The following ZNF407 variants were observed in gnomAD, a reference collection of about 807,000 sequenced individuals.
ZNF407 encodes the protein zinc finger protein 407.
Under a neutral mutation model 131.2 loss-of-function variants are expected in ZNF407, and 17 were observed. That is an observed-to-expected ratio of 0.13 (90% CI 0.09 to 0.19). The LOEUF (loss-of-function observed/expected upper bound fraction) is 0.19, where lower values mean the gene tolerates loss of function less well. Among genes scored for constraint, ZNF407 ranks in the 10% least tolerant of loss-of-function variants. The pLI is 1.00. For synonymous variants in ZNF407, 1,156 were observed against 1,062.0 expected (o/e 1.09, Z -1.72); for missense variants, 2,681 against 2,830.6 (o/e 0.95, Z 1.20).
At chr18:74,763,988 C>T (rs1441908543) in intron 3 of ZNF407, among the ~76,000 whole-genome samples, 2 of 151,974 alleles carry the variant, frequency 1.3e-5, no homozygotes, top group Non-Finnish European at 2.9e-5. Flanking sequence ...GCTGGGATTA[C>T]AGGCGTGAGC....
intron 8 of ZNF407, among the ~76,000 whole-genome samples, chr18:74,977,716 T>A (rs1019911799): frequency 2.0e-5 from 3 of 151,210 alleles, no homozygotes; most frequent in African/African-American, 7.3e-5. Flanking sequence ...GAGTCCCCTC[T>A]CTGCGAGATC....
chr18:74,618,849 A>T (rs1454031137), intron 1 of ZNF407, among the ~76,000 whole-genome samples: 3 of 152,210 alleles, frequency 2.0e-5, no homozygotes, highest in Non-Finnish European at 4.4e-5. Flanking sequence ...CTCTTTTCTA[A>T]ATATACTTAA....
chr18:75,031,046 C>CACACATAGCAGCAGGTGTCATTCCCCCAT, intron 8 of ZNF407, among the ~76,000 whole-genome samples: 1 of 152,336 alleles, frequency 6.6e-6, no homozygotes, highest in East Asian at 1.9e-4. Context: ...CATGCCCCCA[C>CACACATAGCAGCAGGTGTCATTCCCCCAT]ACACATAGCA....
At chr18:75,013,441 CCTTT>C (rs1345830821) in intron 8 of ZNF407, among the ~76,000 whole-genome samples, 9 of 152,156 alleles carry the variant, frequency 5.9e-5, no homozygotes, top group Admixed American at 2.0e-4. Context: ...TTTCTTTCTT[CCTTT>C]ATCTTCCTCT....
chr18:74,796,359 A>G (rs1012819036), intron 4 of ZNF407, among the ~76,000 whole-genome samples: 2 of 152,210 alleles, frequency 1.3e-5, no homozygotes, highest in Admixed American at 6.5e-5. Context: ...TTGTTACTCA[A>G]TGAAATAGGC....
intron 3 of ZNF407, among the ~76,000 whole-genome samples, chr18:74,707,612 G>C (rs1270746044): frequency 1.3e-5 from 2 of 152,140 alleles, no homozygotes; most frequent in Admixed American, 1.3e-4. Flanking sequence ...TGCTCAGCTT[G>C]TATTTCAAGG....
intron 1 of ZNF407, among the ~76,000 whole-genome samples, chr18:74,601,732 C>A (rs1188565858): frequency 6.6e-6 from 1 of 152,088 alleles, no homozygotes; most frequent in Non-Finnish European, 1.5e-5. Context: ...CTCAGGACAG[C>A]ACCAAGCCAT....
In ZNF407 at chr18:75,050,259, T is replaced by A. The variant is rs527605935; in HGVS notation, c.5429-12891T>A. Among the ~76,000 whole-genome samples the A allele has an allele frequency of 7.2e-5, 11 of 152,316 alleles. No individual in the cohort carries two copies. In the East Asian group the frequency reaches 2.1e-3, roughly 29 times the overall value. On this transcript the variant is annotated intron_variant, in intron 8 of 8. Coordinates refer to ENST00000299687, the MANE Select transcript of ZNF407 (RefSeq NM_017757.3). ...CCTGTGTGTCAAGCACAATGCTAAG[T>A]ATTGTACATAGGCTGTCTCATTTAC... is the stretch of plus-strand genomic sequence containing the variant.
At chr18:75,014,532 A>C (rs1973020383) in intron 8 of ZNF407, among the ~76,000 whole-genome samples, 2 of 152,094 alleles carry the variant, frequency 1.3e-5, no homozygotes, top group South Asian at 4.2e-4. Flanking sequence ...TTCTTAACCA[A>C]ATCAGGGCTT....
chr18:74,802,213 A>G (rs887186171), intron 4 of ZNF407, among the ~76,000 whole-genome samples: 2 of 152,256 alleles, frequency 1.3e-5, no homozygotes, highest in African/African-American at 4.8e-5. Flanking sequence ...CATTTAGTCT[A>G]TATGTTATGG....
At chr18:74,672,534 C>T (rs567947397) in intron 3 of ZNF407, among the ~76,000 whole-genome samples, 134 of 150,230 alleles carry the variant, frequency 8.9e-4, no homozygotes, top group Non-Finnish European at 1.2e-3. Flanking sequence ...ACCGTTTGTT[C>T]ATTGGAGCAC....
intron 3 of ZNF407, among the ~76,000 whole-genome samples, chr18:74,745,517 G>A (rs1339302999): frequency 2.6e-5 from 4 of 152,148 alleles, no homozygotes; most frequent in Non-Finnish European, 5.9e-5. Flanking sequence ...TTTATAAAAT[G>A]TAATCATTTG....
intron 3 of ZNF407, among the ~76,000 whole-genome samples, chr18:74,673,823 A>G (rs1440291539): frequency 1.3e-5 from 2 of 152,210 alleles, no homozygotes; most frequent in East Asian, 3.9e-4. Context: ...TCTATGATTC[A>G]TTGTTATTTA....
intron 4 of ZNF407, among the ~76,000 whole-genome samples, chr18:74,834,938 T>G (rs1481223138): frequency 6.6e-6 from 1 of 152,222 alleles, no homozygotes; most frequent in Non-Finnish European, 1.5e-5. Context: ...GTGATTTTTG[T>G]TTTCCTTTTT....
chr18:74,763,695 C>G (rs1390260841), intron 3 of ZNF407, among the ~76,000 whole-genome samples: 1 of 141,230 alleles, frequency 7.1e-6, no homozygotes, highest in East Asian at 2.1e-4. Flanking sequence ...TGTTGTCATT[C>G]TTATCTTTGA....
intron 3 of ZNF407, among the ~76,000 whole-genome samples, chr18:74,656,840 A>C (rs1985480316): frequency 1.3e-5 from 2 of 152,220 alleles, no homozygotes; most frequent in Admixed American, 1.3e-4. Context: ...AGGCAGATTA[A>C]AAAATCCCAT....
At chr18:74,959,493 G>A (rs1422787223) in intron 8 of ZNF407, among the ~76,000 whole-genome samples, 1 of 152,144 alleles carries the variant, frequency 6.6e-6, no homozygotes, top group Non-Finnish European at 1.5e-5. Context: ...GTATGTGTCT[G>A]TCTTTCTGAG....
intron 3 of ZNF407, among the ~76,000 whole-genome samples, chr18:74,755,885 C>CTT (rs34750560): frequency 0.67 from 17,266 of 25,796 alleles, 8,170 homozygotes; most frequent in East Asian, 0.76. Flanking sequence ...CTTTTCCTTC[C>CTT]TTTTTTTTTT....
chr18:74,841,550 A>C (rs1039480255), intron 4 of ZNF407, among the ~76,000 whole-genome samples: 1 of 152,180 alleles, frequency 6.6e-6, no homozygotes, highest in South Asian at 2.1e-4. Context: ...TTTGTTTGCT[A>C]TTTATCACCT....
Sources: gnomAD v4.1 joint callset for allele counts (sites outside exome capture counted in the v4.1 genomes callset) on GRCh38, gnomAD v4.1.1 for gene constraint, MANE v1.5 for transcripts, NCBI Gene and HGNC (gene_info 2026-07-23, HGNC 2026-07-21) for gene names.